The following ARF1 variants were observed in gnomAD, a reference collection of about 807,000 sequenced individuals.
ARF1 encodes the protein ARF GTPase 1.
A neutral mutation model predicts 18.0 loss-of-function variants in ARF1; 1 was observed. The ratio of observed to expected loss-of-function variants is 0.06; its 90% CI spans 0.02 to 0.26. ARF1 has a LOEUF of 0.26. Ranked by LOEUF, ARF1 falls within the 10% of genes least tolerant of loss-of-function variation. ARF1 has a pLI of 1.00. For synonymous variants in ARF1, 112 were observed against 96.3 expected (o/e 1.16, Z -0.95); for missense variants, 73 against 247.2 (o/e 0.30, Z 4.73).
rs2032499876 is a variant in ARF1, at chr1:228,089,318, G to T, written c.-38+6553G>T. Reference sequence around the variant, plus strand: ...CCTTTCTCTCACCTAGGTCTGGAGTGCCTCCAGAAGCGAGGATTTCCTGCA... The same window carrying T: ...CCTTTCTCTCACCTAGGTCTGGAGTTCCTCCAGAAGCGAGGATTTCCTGCA... On this transcript the variant is annotated intron_variant, in intron 1 of 4. Transcript: ENST00000272102. This position sits in a 1 kb window ranked among gnomAD's most constrained non-coding sequence, Gnocchi z 4.1. Among the ~76,000 whole-genome samples the T allele has an allele frequency of 6.6e-6, 1 of 152,162 alleles. No individual in the cohort carries two copies. The highest frequency in any genetic ancestry group is 1.5e-5 in the Non-Finnish European group (1 of 68,024).
chr1:228,088,067 T>TTC (rs1270850524), intron 1 of ARF1: 1 of 152,266 alleles, frequency 6.6e-6, no homozygotes, highest in Non-Finnish European at 1.5e-5. Flanking sequence ...GGAAGGCCTG[T>TTC]TCTGGGCAAA....
chr1:228,086,265 C>G (rs768238820), intron 1 of ARF1, among the ~76,000 whole-genome samples: 1 of 152,146 alleles, frequency 6.6e-6, no homozygotes, highest in Non-Finnish European at 1.5e-5. Flanking sequence ...CCTGTAATCC[C>G]AGCACTTTGG....
At chr1:228,086,343 G>T (rs1019907719) in intron 1 of ARF1, among the ~76,000 whole-genome samples, 3 of 151,984 alleles carry the variant, frequency 2.0e-5, no homozygotes, top group African/African-American at 7.2e-5. Context: ...GTGATACCCC[G>T]ACTCTACTAA....
chr1:228,092,540 T>A (rs2032607983), intron 1 of ARF1, among the ~76,000 whole-genome samples: 1 of 152,234 alleles, frequency 6.6e-6, no homozygotes, highest in Admixed American at 6.5e-5. Flanking sequence ...GAACAGAATC[T>A]TGGACCTGGA....
chr1:228,094,763 A>T (rs1341018585), intron 1 of ARF1, among the ~76,000 whole-genome samples: 1 of 152,126 alleles, frequency 6.6e-6, no homozygotes, highest in Non-Finnish European at 1.5e-5. Flanking sequence ...ATTCTCCCCT[A>T]ACACTTGTTG....
At chr1:228,088,940 G>A (rs2032487081) in intron 1 of ARF1, among the ~76,000 whole-genome samples, 2 of 152,196 alleles carry the variant, frequency 1.3e-5, no homozygotes, top group African/African-American at 4.8e-5. Context: ...CCTATTGCAA[G>A]GACCTGATCG....
chr1:228,094,279 C>G (rs575071589), intron 1 of ARF1, among the ~76,000 whole-genome samples: 1 of 152,080 alleles, frequency 6.6e-6, no homozygotes, highest in Non-Finnish European at 1.5e-5. Context: ...GACTTGGTGT[C>G]CTAGGTTTAT....
intron 1 of ARF1, among the ~76,000 whole-genome samples, chr1:228,095,745 G>T (rs988824108): frequency 6.6e-6 from 1 of 152,144 alleles, no homozygotes; most frequent in South Asian, 2.1e-4. Context: ...CCTTCAAGGC[G>T]TGTGTGTCAT....
rs765973759 is a variant in ARF1, at chr1:228,097,279, C to G, written c.148+17C>G. Reference sequence around the variant, plus strand: ...CCACCATAGGTGAGGTGGGGGCCAGCAGGGAGTGGGCTGGGCTGGGCTGGG... The same window carrying G: ...CCACCATAGGTGAGGTGGGGGCCAGGAGGGAGTGGGCTGGGCTGGGCTGGG... On this transcript the variant is annotated intron_variant, in intron 2 of 4. Coordinates refer to ENST00000272102, the MANE Select transcript of ARF1 (RefSeq NM_001658.4). This position sits in a 1 kb window ranked among gnomAD's most constrained non-coding sequence, Gnocchi z 8.1. 4.4e-6 allele frequency: 7 copies of G among 1,608,942 alleles called. No individual in the cohort carries two copies. In the Admixed American group the frequency reaches 1.0e-4, roughly 23 times the overall value.
intron 1 of ARF1, among the ~76,000 whole-genome samples, chr1:228,091,320 AG>A (rs1266812244): frequency 6.6e-6 from 1 of 152,190 alleles, no homozygotes; most frequent in Non-Finnish European, 1.5e-5. Context: ...CCTTAACTCA[AG>A]GCCAGCAGCA....
chr1:228,097,545 AG>A lies in ARF1; in HGVS notation c.260-40del, dbSNP rs369031105. The A allele has an allele frequency of 1.1e-3, 1,764 of 1,613,830 alleles. 19 individuals carry two copies. The African/African-American group carries it at 0.021, about 19-fold the overall frequency. ...GGGCATCGATGCCCATAGATGCGGC[AG>A]GGGGGCTGTGTTCCCATGACCATTT... On this transcript the variant is annotated intron_variant, in intron 3 of 4. Coordinates refer to ENST00000272102, the MANE Select transcript of ARF1 (RefSeq NM_001658.4). This position sits in a 1 kb window ranked among gnomAD's most constrained non-coding sequence, Gnocchi z 8.1.
rs563501825 is a variant in ARF1 at position 228,093,760 on chromosome 1, CTAAAAA to C, written c.-37-3304_-37-3299del. Reference sequence around the variant, plus strand: ...CCAACATGGTGAAACCCCGTCTCTACTAAAAATAAAAATAAAAATTAGCTCAGCGTG... The same window carrying C: ...CCAACATGGTGAAACCCCGTCTCTACTAAAAATAAAAATTAGCTCAGCGTG... On this transcript the variant is annotated intron_variant, in intron 1 of 4. Coordinates refer to ENST00000272102, the MANE Select transcript of ARF1 (RefSeq NM_001658.4). Among the ~76,000 whole-genome samples, 708 of 151,916 alleles carry C rather than the reference CTAAAAA, an allele frequency of 4.7e-3. 7 individuals carry two copies. The highest frequency in any genetic ancestry group is 7.6e-3 in the Non-Finnish European group (518 of 67,946).
In ARF1 at chr1:228,097,950, C is replaced by T. The variant is rs199599231; in HGVS notation, c.483C>T (p.Thr161=). ...GGTACATTCAGGCCACCTGCGCCAC[C>T]AGCGGCGACGGGCTCTATGAAGGAC... ...RNWYIQATCA[T]SGDGLYEGLD... is the part of the protein sequence containing the mutation. The change falls in exon 5 of 5, where the codon ACC becomes ACT. Residue 161 remains threonine (T), a synonymous_variant. Coordinates refer to ENST00000272102, the MANE Select transcript of ARF1 (RefSeq NM_001658.4). This position sits in a 1 kb window ranked among gnomAD's most constrained non-coding sequence, Gnocchi z 8.1. 9.2e-5 allele frequency: 148 copies of T among 1,614,092 alleles called. No homozygotes were observed. Among genetic ancestry groups the T allele is most frequent in the Non-Finnish European group, 1.2e-4 (137 of 1,180,048 alleles).
Position 228,097,826 on chromosome 1 carries a change from T to C in ARF1, c.385-26T>C. On this transcript the variant is annotated intron_variant, in intron 4 of 4. Transcript: ENST00000272102. This position sits in a 1 kb window ranked among gnomAD's most constrained non-coding sequence, Gnocchi z 8.1. ...CCTTTCTCTGTCCTGTGGACAGCCC[T>C]TCCCACCAACCCTTCCTTCCCCCAG... The C allele has an allele frequency of 1.2e-6, 2 of 1,607,614 alleles. No homozygotes were observed. Among genetic ancestry groups the C allele is most frequent in the East Asian group, 4.5e-5 (2 of 44,788 alleles).
rs763048237 is a variant in ARF1 at position 228,097,207 on chromosome 1, C to A, written c.93C>A (p.Thr31=). The change falls in exon 2 of 5, where the codon ACC becomes ACA. Residue 31 remains threonine (T), a synonymous_variant. Coordinates refer to ENST00000272102, the MANE Select transcript of ARF1 (RefSeq NM_001658.4). This position sits in a 1 kb window ranked among gnomAD's most constrained non-coding sequence, Gnocchi z 8.1. The part of the protein sequence containing the change: ...LMVGLDAAGK[T]TILYKLKLGE... ...TGGGCCTGGATGCTGCAGGGAAGAC[C>A]ACGATCCTCTACAAGCTTAAGCTGG... The A allele has an allele frequency of 5.0e-5, 81 of 1,613,834 alleles. No individual in the cohort carries two copies. The highest frequency in any genetic ancestry group is 6.4e-5 in the Non-Finnish European group (76 of 1,179,924).
intron 1 of ARF1, among the ~76,000 whole-genome samples, chr1:228,088,854 T>C (rs995019232): frequency 6.6e-6 from 1 of 152,340 alleles, no homozygotes. Context: ...GCTGGGATGC[T>C]GTCTCTACTT....
intron 1 of ARF1, among the ~76,000 whole-genome samples, chr1:228,092,679 G>A (rs1025492522): frequency 3.3e-5 from 5 of 152,122 alleles, no homozygotes; most frequent in African/African-American, 4.8e-5. Context: ...TCAACCTTCC[G>A]CCTGCGCCTG....
intron 1 of ARF1, among the ~76,000 whole-genome samples, chr1:228,090,158 G>A (rs780237041): frequency 6.6e-6 from 1 of 152,202 alleles, no homozygotes; most frequent in African/African-American, 2.4e-5. Context: ...ACAGTCATTC[G>A]CTGTTTAGCA....
Position 228,097,079 on chromosome 1 carries a change from TG to T in ARF1, c.-35del, listed in dbSNP as rs2032770820. On this transcript the variant is annotated splice_region_variant and 5_prime_UTR_variant, in exon 2 of 5. Coordinates refer to ENST00000272102, the MANE Select transcript of ARF1 (RefSeq NM_001658.4). This position sits in a 1 kb window ranked among gnomAD's most constrained non-coding sequence, Gnocchi z 8.1. ...ACATGGAGCACCTTGTCTCTCCAGG[TG>T]TCCCTGGCCAGTGTCCTTCCACCTG... 1 of 1,563,598 alleles carries T rather than the reference TG, an allele frequency of 6.4e-7. No homozygotes were observed. The highest frequency in any genetic ancestry group is 8.7e-7 in the Non-Finnish European group (1 of 1,154,304).
Sources: gnomAD v4.1 joint callset for allele counts (sites outside exome capture counted in the v4.1 genomes callset) on GRCh38, gnomAD v4.1.1 for gene constraint, Gnocchi (gnomAD v3.1) non-coding constraint, MANE v1.5 for transcripts, NCBI Gene and HGNC (gene_info 2026-07-23, HGNC 2026-07-21) for gene names.